The following LMNTD1 variants were observed in gnomAD, a reference collection of about 807,000 sequenced individuals.
LMNTD1 encodes lamin tail domain containing 1, also known as lamin tail domain-containing protein 1.
A neutral mutation model predicts 50.9 loss-of-function variants in LMNTD1; 35 were observed. The observed-to-expected ratio is 0.69, with a 90% confidence interval of 0.53 to 0.91. LMNTD1 has a LOEUF of 0.91. LMNTD1 is among the 40% of genes least tolerant of loss of function. The pLI is 0.00. For missense variants in LMNTD1, 470 were observed against 475.5 expected, an observed-to-expected ratio of 0.99 and a Z score of 0.11; for synonymous variants, 153 against 161.9, an observed-to-expected ratio of 0.94 and a Z score of 0.42.
chr12:25,640,966 C>T (rs1447608146), intron 1 of LMNTD1, among the ~76,000 whole-genome samples: 1 of 152,180 alleles, frequency 6.6e-6, no homozygotes, highest in Non-Finnish European at 1.5e-5. Flanking sequence ...CGTGCCCAGC[C>T]AGAAAAGTGT....
At chr12:25,507,124 C>T (rs1181732202) in intron 8 of LMNTD1, among the ~76,000 whole-genome samples, 2 of 152,152 alleles carry the variant, frequency 1.3e-5, no homozygotes, top group African/African-American at 4.8e-5. Context: ...GATGCACCCA[C>T]CTCGGCCTCC....
At chr12:25,489,960 A>G (rs955486832) in intron 9 of LMNTD1, among the ~76,000 whole-genome samples, 1 of 152,208 alleles carries the variant, frequency 6.6e-6, no homozygotes, top group Non-Finnish European at 1.5e-5. Context: ...CGGTACTGAT[A>G]AAAATCTAAA....
At chr12:25,535,477 C>G (rs891067359) in intron 4 of LMNTD1, among the ~76,000 whole-genome samples, 20 of 151,970 alleles carry the variant, frequency 1.3e-4, no homozygotes, top group Middle Eastern at 6.8e-3. Flanking sequence ...AGCATAACAA[C>G]CCCAAGCATA....
chr12:25,646,517 AAGCCCCTTAGAGGGGC>A (rs1348483396), intron 1 of LMNTD1, among the ~76,000 whole-genome samples: 1 of 152,070 alleles, frequency 6.6e-6, no homozygotes, highest in Non-Finnish European at 1.5e-5. Context: ...GCTTTTCTCA[AAGCCCCTTAGAGGGGC>A]AGCTGGGTCA....
chr12:25,557,544 C>A (rs184457820), upstream of LMNTD1, among the ~76,000 whole-genome samples: 3 of 152,254 alleles, frequency 2.0e-5, no homozygotes, highest in Admixed American at 2.0e-4. Context: ...TCTATTCATA[C>A]TCTTTAGAGG....
intron 1 of LMNTD1, among the ~76,000 whole-genome samples, chr12:25,601,843 G>C (rs1945985160): frequency 1.3e-5 from 2 of 151,558 alleles, no homozygotes; most frequent in Admixed American, 1.3e-4. Context: ...GGTACATTTG[G>C]TATTTTGATA....
intron 1 of LMNTD1, among the ~76,000 whole-genome samples, chr12:25,611,804 T>C (rs1477314473): frequency 1.3e-5 from 2 of 152,234 alleles, no homozygotes; most frequent in South Asian, 2.1e-4. Context: ...GCAATAGCAA[T>C]GCATTCAAAA....
In LMNTD1 at chr12:25,478,877, A is replaced by ATT. The variant is rs35152375; in HGVS notation, c.*23-2419_*23-2418dup. On this transcript the variant is annotated intron_variant, in intron 9 of 9. Coordinates refer to ENST00000458174, the MANE Select transcript of LMNTD1 (RefSeq NM_001145728.2). ...TCAGCAAACATCTCAGCAGGTCATG[A>ATT]TTTTTTTTTTTTCTTGGTGGAATGA... Among the ~76,000 whole-genome samples, 790 of 147,514 alleles carry ATT rather than the reference A, an allele frequency of 5.4e-3. 5 individuals are homozygous for ATT. The highest frequency in any genetic ancestry group is 0.018 in the African/African-American group (743 of 40,190).
chr12:25,600,847 G>C (rs1197091394), intron 1 of LMNTD1, among the ~76,000 whole-genome samples: 1 of 152,012 alleles, frequency 6.6e-6, no homozygotes, highest in African/African-American at 2.4e-5. Context: ...TACACTTTTG[G>C]TGGGAATGTA....
chr12:25,644,802 C>T (rs141931281), intron 1 of LMNTD1, among the ~76,000 whole-genome samples: 197 of 152,224 alleles, frequency 1.3e-3, no homozygotes, highest in African/African-American at 4.5e-3. Context: ...AAGGATTCAC[C>T]TCTGATAGGA....
intron 1 of LMNTD1, among the ~76,000 whole-genome samples, chr12:25,627,152 C>A (rs945746800): frequency 6.6e-6 from 1 of 152,176 alleles, no homozygotes; most frequent in Non-Finnish European, 1.5e-5. Flanking sequence ...AATCTGGCAG[C>A]GTATTCTAGC....
chr12:25,639,205 G>T (rs1263441185), intron 1 of LMNTD1, among the ~76,000 whole-genome samples: 1 of 152,256 alleles, frequency 6.6e-6, no homozygotes, highest in Non-Finnish European at 1.5e-5. Flanking sequence ...TTAGAACTAT[G>T]AAACTTTGAG....
At chr12:25,643,320 G>C (rs962022465) in intron 1 of LMNTD1, among the ~76,000 whole-genome samples, 1 of 152,124 alleles carries the variant, frequency 6.6e-6, no homozygotes, top group Non-Finnish European at 1.5e-5. Context: ...GGTATTCAGG[G>C]GAAGCATCCA....
Position 25,595,966 on chromosome 12 carries a change from C to T in LMNTD1, c.59-49412G>A, listed in dbSNP as rs138767371. ...TTCAAGGCTACTATGAATATCTTTACATGCATAAACCTAGAAAACCTAGGG... is the reference window on the plus strand; with the variant it reads ...TTCAAGGCTACTATGAATATCTTTATATGCATAAACCTAGAAAACCTAGGG... On this transcript the variant is annotated intron_variant, in intron 1 of 7. Transcript: ENST00000445693. Among the ~76,000 whole-genome samples, 71 of 152,100 alleles carry T rather than the reference C, an allele frequency of 4.7e-4. 1 individual carries two copies. The East Asian group carries it at 0.012, about 26-fold the overall frequency.
At chr12:25,636,992 G>A (rs1180037630) in intron 1 of LMNTD1, among the ~76,000 whole-genome samples, 1 of 145,484 alleles carries the variant, frequency 6.9e-6, no homozygotes, top group Non-Finnish European at 1.5e-5. Flanking sequence ...TTGGGGGGAA[G>A]AATGGGAGGG....
At chr12:25,572,419 T>G (rs1038037321) in intron 1 of LMNTD1, among the ~76,000 whole-genome samples, 1 of 152,192 alleles carries the variant, frequency 6.6e-6, no homozygotes, top group Non-Finnish European at 1.5e-5. Flanking sequence ...TTTATATTCT[T>G]TCCAAAGCGT....
intron 9 of LMNTD1, among the ~76,000 whole-genome samples, chr12:25,480,621 C>T (rs1398583666): frequency 6.6e-6 from 1 of 152,200 alleles, no homozygotes; most frequent in Non-Finnish European, 1.5e-5. Context: ...AACCTAGACC[C>T]ATTCTCCCTT....
chr12:25,620,611 A>T (rs965319200), intron 1 of LMNTD1, among the ~76,000 whole-genome samples: 1 of 152,168 alleles, frequency 6.6e-6, no homozygotes, highest in Non-Finnish European at 1.5e-5. Context: ...TGATCCAGGT[A>T]TACATGAGTT....
intron 1 of LMNTD1, among the ~76,000 whole-genome samples, chr12:25,599,231 C>A (rs2136502536): frequency 6.6e-6 from 1 of 151,830 alleles, no homozygotes; most frequent in South Asian, 2.1e-4. Context: ...CAATGATGCT[C>A]AAGAAAAATT....
Sources: gnomAD v4.1 joint callset for allele counts (sites outside exome capture counted in the v4.1 genomes callset) on GRCh38, gnomAD v4.1.1 for gene constraint, MANE v1.5 for transcripts, NCBI Gene and HGNC (gene_info 2026-07-23, HGNC 2026-07-21) for gene names.